SNX14: variants seen among roughly 807,000 people sequenced by gnomAD.
SNX14 encodes sorting nexin 14.
Under a neutral mutation model 133.8 loss-of-function variants are expected in SNX14, and 93 were observed. The ratio of observed to expected loss-of-function variants is 0.70; its 90% CI spans 0.59 to 0.83. The LOEUF is 0.83. Ranked by LOEUF, SNX14 falls within the 40% of genes least tolerant of loss-of-function variation. The pLI is 0.00. For synonymous variants in SNX14, 368 were observed against 365.6 expected, an observed-to-expected ratio of 1.01 and a Z score of -0.07; for missense variants, 945 against 1,094.9, an observed-to-expected ratio of 0.86 and a Z score of 1.93.
chr6:85,585,232 G>C (rs375560811), intron 1 of SNX14, among the ~76,000 whole-genome samples: 2 of 152,092 alleles, frequency 1.3e-5, no homozygotes, highest in African/African-American at 4.8e-5. Flanking sequence ...ACCAGGACCT[G>C]CTGGGGAGTG....
At position 85,593,824 on chromosome 6, in the gene SNX14, A is replaced by T; in HGVS notation, c.-106T>A. Reference sequence around the variant, plus strand: ...GCCCCACCGACTTGGCGGCGCACACAGACGCCTACCGGCAGTTAGCCGCCG... The same window carrying T: ...GCCCCACCGACTTGGCGGCGCACACTGACGCCTACCGGCAGTTAGCCGCCG... On this transcript the variant is annotated 5_prime_UTR_variant, in exon 1 of 29. Transcript: ENST00000314673. 6.4e-7 allele frequency: 1 copy of T among 1,559,630 alleles called. No individual in the cohort carries two copies. Among genetic ancestry groups the T allele is most frequent in the Non-Finnish European group, 8.6e-7 (1 of 1,159,142 alleles).
intron 12 of SNX14, among the ~76,000 whole-genome samples, chr6:85,545,747 G>C (rs1785266111): frequency 6.6e-6 from 1 of 152,146 alleles, no homozygotes; most frequent in Non-Finnish European, 1.5e-5. Context: ...GCAGTGGCAT[G>C]ATCTCGGCTC....
In SNX14 at chr6:85,582,668, G is replaced by GA. The variant is rs528041107; in HGVS notation, c.141-8291dup. Among the ~76,000 whole-genome samples, 910 of 152,168 alleles carry GA rather than the reference G, an allele frequency of 6.0e-3. 14 individuals carry two copies. The highest frequency in any genetic ancestry group is 0.021 in the African/African-American group (867 of 41,518). On this transcript the variant is annotated intron_variant, in intron 1 of 28. Transcript: ENST00000314673. ...TAAACACATCTACTGAAATAAACTAGAAAATCTAGAAGAAATGGATAAATT... is the reference window on the plus strand; with the variant it reads ...TAAACACATCTACTGAAATAAACTAGAAAAATCTAGAAGAAATGGATAAATT...
chr6:85,517,889 T>C lies in SNX14; in HGVS notation c.2149-14A>G. On this transcript the variant is annotated splice_polypyrimidine_tract_variant and intron_variant, in intron 22 of 28. Transcript: ENST00000314673. ...ATGCTGACCTTTCTGTGGTGATAGA[T>C]TATTGTAAGAAAATAAAAAATAAAG... 1.3e-6 allele frequency: 2 copies of C among 1,584,816 alleles called. No individual in the cohort carries two copies. Among genetic ancestry groups the C allele is most frequent in the Non-Finnish European group, 1.7e-6 (2 of 1,171,714 alleles).
intron 18 of SNX14, among the ~76,000 whole-genome samples, chr6:85,532,115 T>C (rs911998066): frequency 6.6e-6 from 1 of 152,196 alleles, no homozygotes; most frequent in Non-Finnish European, 1.5e-5. Flanking sequence ...CATGAACTAT[T>C]ATAATTTATG....
In SNX14 at chr6:85,575,020, G is replaced by C. The variant is rs556360691; in HGVS notation, c.141-642C>G. On this transcript the variant is annotated intron_variant, in intron 1 of 28. Transcript: ENST00000314673. ...TAAGTAGGAACAAATAAACAGAAGAGGATAGGATAGAGGTATGGGAGACTG... is the reference window on the plus strand; with the variant it reads ...TAAGTAGGAACAAATAAACAGAAGACGATAGGATAGAGGTATGGGAGACTG... Among the ~76,000 whole-genome samples, 7 of 152,264 alleles carry C rather than the reference G, an allele frequency of 4.6e-5. No homozygotes were observed. The South Asian group carries it at 1.5e-3, about 32-fold the overall frequency.
chr6:85,548,565 A>C (rs1374282878), intron 8 of SNX14, among the ~76,000 whole-genome samples, 189 bp from the exon 9 acceptor site: 2 of 152,208 alleles, frequency 1.3e-5, no homozygotes, highest in East Asian at 3.8e-4. Flanking sequence ...GGTTTGCAGA[A>C]CACACGTTGA....
At chr6:85,535,748 T>A (rs1182166426) in intron 17 of SNX14, among the ~76,000 whole-genome samples, 1 of 152,140 alleles carries the variant, frequency 6.6e-6, no homozygotes, top group African/African-American at 2.4e-5. Context: ...TCAGTGACCC[T>A]TACATGAAGG....
At chr6:85,510,764 C>T (rs748605292) in intron 26 of SNX14, among the ~76,000 whole-genome samples, 3 of 152,164 alleles carry the variant, frequency 2.0e-5, no homozygotes, top group African/African-American at 4.8e-5. Context: ...TGTTCCTTTG[C>T]TAATAAGAAC....
At chr6:85,550,277 C>G (rs537690606) in intron 7 of SNX14, among the ~76,000 whole-genome samples, 1 of 152,118 alleles carries the variant, frequency 6.6e-6, no homozygotes, top group Non-Finnish European at 1.5e-5. Flanking sequence ...TTATTAGAAG[C>G]CTGCTTAGTT....
chr6:85,578,983 A>G (rs1798187952), intron 1 of SNX14, among the ~76,000 whole-genome samples: 1 of 151,960 alleles, frequency 6.6e-6, no homozygotes, highest in Non-Finnish European at 1.5e-5. Flanking sequence ...TAAAAGTACA[A>G]AAAAATTAGC....
At chr6:85,541,905 G>GA in intron 15 of SNX14, 80 bp downstream of exon 15, 1 of 1,080,490 alleles carries the variant, frequency 9.3e-7, no homozygotes, top group South Asian at 1.7e-5. Flanking sequence ...TATTCATTCA[G>GA]AAAAATAGCT....
chr6:85,533,564 C>A, intron 18 of SNX14, 35 bp downstream of exon 18: 1 of 1,591,058 alleles, frequency 6.3e-7, no homozygotes, highest in East Asian at 2.2e-5. Context: ...CATTCATGGG[C>A]ATCTTTTAAG....
chr6:85,527,086 T>TA (rs1562234768), intron 20 of SNX14, among the ~76,000 whole-genome samples: 1 of 151,854 alleles, frequency 6.6e-6, no homozygotes, highest in Admixed American at 6.6e-5. Flanking sequence ...TAAAAAAAAT[T>TA]AAAAAAAGAC....
At chr6:85,508,412 T>C in intron 26 of SNX14, 1 of 988,700 alleles carries the variant, frequency 1.0e-6, no homozygotes, top group Non-Finnish European at 1.2e-6. Flanking sequence ...AACCCTAAAA[T>C]GATGTTTGTA....
At chr6:85,552,079 C>G (rs1455380848) in intron 7 of SNX14, among the ~76,000 whole-genome samples, 1 of 146,486 alleles carries the variant, frequency 6.8e-6, no homozygotes, top group Non-Finnish European at 1.5e-5. Context: ...CTCTGTCGCC[C>G]AGGCTGGAGT....
At chr6:85,591,069 A>T (rs1365401080) in intron 1 of SNX14, among the ~76,000 whole-genome samples, 1 of 152,202 alleles carries the variant, frequency 6.6e-6, no homozygotes, top group Admixed American at 6.5e-5. Flanking sequence ...TTCTGACTTC[A>T]TAGGGGTCAG....
At chr6:85,506,442 G>A (rs1770718370) in intron 28 of SNX14, among the ~76,000 whole-genome samples, 1 of 151,754 alleles carries the variant, frequency 6.6e-6, no homozygotes. Context: ...TCAGCCTCCC[G>A]AGTAGGTGGG....
At chr6:85,554,308 GTA>G (rs550501270) in intron 7 of SNX14, among the ~76,000 whole-genome samples, 1 of 151,522 alleles carries the variant, frequency 6.6e-6, no homozygotes, top group Admixed American at 6.6e-5. Context: ...ACACACATGT[GTA>G]TATATATACA....
Sources: gnomAD v4.1 joint callset for allele counts (sites outside exome capture counted in the v4.1 genomes callset) on GRCh38, gnomAD v4.1.1 for gene constraint, MANE v1.5 for transcripts, NCBI Gene and HGNC (gene_info 2026-07-23, HGNC 2026-07-21) for gene names.